SGCZ: variants seen among roughly 807,000 people sequenced by gnomAD.
SGCZ encodes sarcoglycan zeta.
In SGCZ, 40 loss-of-function variants were observed where a neutral mutation model predicts 41.3. That is an observed-to-expected ratio of 0.97 (90% CI 0.75 to 1.26). SGCZ has a LOEUF of 1.26. Among genes scored for constraint, SGCZ ranks in the 50% most tolerant of loss-of-function variants. The pLI, the probability that SGCZ is intolerant of heterozygous loss-of-function variation, is 0.00. For missense variants in SGCZ, 552 were observed against 369.8 expected, an observed-to-expected ratio of 1.49 and a Z score of -4.04; for synonymous variants, 206 against 137.5, an observed-to-expected ratio of 1.50 and a Z score of -3.49.
chr8:14,378,521 A>G (rs1804227917), intron 2 of SGCZ, among the ~76,000 whole-genome samples: 1 of 152,210 alleles, frequency 6.6e-6, no homozygotes, highest in Non-Finnish European at 1.5e-5. Flanking sequence ...AATTTTCACA[A>G]CCTACTCATC....
At chr8:14,148,746 C>T (rs1803604311) in intron 5 of SGCZ, among the ~76,000 whole-genome samples, 1 of 151,982 alleles carries the variant, frequency 6.6e-6, no homozygotes, top group Admixed American at 6.6e-5. Flanking sequence ...AAAAAGAAAA[C>T]TACAGGCCAA....
chr8:14,999,544 C>A (rs1037018693), intron 1 of SGCZ, among the ~76,000 whole-genome samples: 1 of 151,982 alleles, frequency 6.6e-6, no homozygotes, highest in Non-Finnish European at 1.5e-5. Flanking sequence ...TTATTAGGGT[C>A]GAGAAAAAGG....
intron 2 of SGCZ, among the ~76,000 whole-genome samples, chr8:14,528,352 CTG>C (rs1203212876): frequency 6.6e-6 from 1 of 152,088 alleles, no homozygotes; most frequent in African/African-American, 2.4e-5. Context: ...ACTTCAGTAA[CTG>C]TGTCATGTCA....
At chr8:15,110,444 C>T (rs1316487155) in intron 1 of SGCZ, among the ~76,000 whole-genome samples, 2 of 152,224 alleles carry the variant, frequency 1.3e-5, no homozygotes, top group African/African-American at 4.8e-5. Context: ...AGATTCATTA[C>T]TTAAATTACA....
intron 1 of SGCZ, among the ~76,000 whole-genome samples, chr8:15,141,523 A>G (rs2116997555): frequency 6.6e-6 from 1 of 152,370 alleles, no homozygotes; most frequent in East Asian, 1.9e-4. Flanking sequence ...ACTCTCAATG[A>G]TGATAAATGA....
chr8:14,746,841 CA>C (rs1799351470), intron 1 of SGCZ, among the ~76,000 whole-genome samples: 1 of 152,102 alleles, frequency 6.6e-6, no homozygotes, highest in South Asian at 2.1e-4. Context: ...TCAATGTATA[CA>C]GACGTAATGT....
intron 5 of SGCZ, among the ~76,000 whole-genome samples, chr8:14,144,389 C>G (rs1279771972): frequency 6.6e-6 from 1 of 152,160 alleles, no homozygotes; most frequent in East Asian, 1.9e-4. Context: ...AGGGAATCCA[C>G]TGCTTTGAAG....
At chr8:15,079,345 T>C (rs1359309009) in intron 1 of SGCZ, among the ~76,000 whole-genome samples, 5 of 152,222 alleles carry the variant, frequency 3.3e-5, no homozygotes, top group Non-Finnish European at 5.9e-5. Flanking sequence ...GACAGTCATT[T>C]TGGTTGCCTT....
At chr8:15,235,776 A>G (rs1245236919) in intron 1 of SGCZ, among the ~76,000 whole-genome samples, 1 of 152,272 alleles carries the variant, frequency 6.6e-6, no homozygotes, top group East Asian at 1.9e-4. Context: ...ATTTCTCTTA[A>G]CAGAACGCTC....
At chr8:15,158,588 G>C (rs180924944) in intron 1 of SGCZ, among the ~76,000 whole-genome samples, 3 of 152,334 alleles carry the variant, frequency 2.0e-5, no homozygotes, top group Non-Finnish European at 4.4e-5. Flanking sequence ...CTAAGGAAGA[G>C]TCATAATTCT....
At chr8:15,022,781 C>T (rs1803304193) in intron 1 of SGCZ, among the ~76,000 whole-genome samples, 1 of 152,132 alleles carries the variant, frequency 6.6e-6, no homozygotes, top group Non-Finnish European at 1.5e-5. Context: ...AGCTATTTTA[C>T]CAATTACAAA....
At chr8:14,528,540 G>A (rs368948367) in intron 2 of SGCZ, among the ~76,000 whole-genome samples, 52 of 152,020 alleles carry the variant, frequency 3.4e-4, no homozygotes, top group Admixed American at 1.6e-3. Context: ...AGTAAGTCTC[G>A]TTGGCCATTC....
chr8:14,611,788 T>G (rs1241147820), intron 1 of SGCZ, among the ~76,000 whole-genome samples: 1 of 152,104 alleles, frequency 6.6e-6, no homozygotes, highest in Non-Finnish European at 1.5e-5. Flanking sequence ...TTACCGAGAC[T>G]GACTAATAAA....
At chr8:14,606,734 C>A (rs1805762381) in intron 1 of SGCZ, among the ~76,000 whole-genome samples, 1 of 152,130 alleles carries the variant, frequency 6.6e-6, no homozygotes, top group South Asian at 2.1e-4. Context: ...AAATCCCTGG[C>A]ACATGGTTAG....
At chr8:14,383,901 C>T (rs189280401) in intron 2 of SGCZ, among the ~76,000 whole-genome samples, 10 of 150,216 alleles carry the variant, frequency 6.7e-5, no homozygotes, top group African/African-American at 1.8e-4. Flanking sequence ...TTAAGTAACA[C>T]GCTCCAAATT....
chr8:14,219,514 G>A (rs189721836), intron 4 of SGCZ, among the ~76,000 whole-genome samples: 93 of 152,230 alleles, frequency 6.1e-4, no homozygotes, highest in Admixed American at 2.4e-3. Flanking sequence ...TTTGGGAAGC[G>A]GAAGCGGGCA....
At chr8:14,549,939 C>T (rs1803748783) in intron 2 of SGCZ, among the ~76,000 whole-genome samples, 1 of 151,954 alleles carries the variant, frequency 6.6e-6, no homozygotes, top group Non-Finnish European at 1.5e-5. Context: ...ACAAAAGAAA[C>T]TCCTACAGGT....
chr8:14,378,984 C>T (rs558330969), intron 2 of SGCZ, among the ~76,000 whole-genome samples: 23 of 152,072 alleles, frequency 1.5e-4, no homozygotes, highest in Non-Finnish European at 2.8e-4. Context: ...TGCTTTCTTA[C>T]GTAATATAAT....
At chr8:14,647,981 C>A (rs1398400773) in intron 1 of SGCZ, among the ~76,000 whole-genome samples, 1 of 151,928 alleles carries the variant, frequency 6.6e-6, no homozygotes, top group African/African-American at 2.4e-5. Flanking sequence ...AGAAGCACAC[C>A]TGGAGTGGAT....
Sources: allele counts gnomAD v4.1 joint callset (sites outside exome capture counted in the v4.1 genomes callset), GRCh38; gene constraint gnomAD v4.1.1; transcripts MANE v1.5; gene names NCBI Gene and HGNC (gene_info 2026-07-23, HGNC 2026-07-21).